Variants in PDE3A observed in about 807,000 individuals in gnomAD.
The protein encoded by PDE3A is cGMP-inhibited 3',5'-cyclic phosphodiesterase 3A.
A neutral mutation model predicts 98.3 loss-of-function variants in PDE3A; 43 were observed. The observed-to-expected ratio is 0.44, with a 90% CI of 0.34 to 0.56. PDE3A has a LOEUF of 0.56. PDE3A is among the 20% of genes least tolerant of loss of function. The probability of loss-of-function intolerance (pLI) is 0.01; values close to 1 mark genes in which losing one functional copy is unlikely to be tolerated. For missense variants in PDE3A, 1,427 were observed against 1,440.7 expected, an observed-to-expected ratio of 0.99 and a Z score of 0.15; for synonymous variants, 663 against 567.9, an observed-to-expected ratio of 1.17 and a Z score of -2.38.
Position 20,685,060 on chromosome 12 carries a change from C to A in PDE3A, c.*4789C>A, listed in dbSNP as rs1402747906. ...TGGTGCTTTTACCTAACTTGAAGTG[C>A]TTTTTGTGTTCCCACCAGCAAATCA... On this transcript the variant is annotated 3_prime_UTR_variant, in exon 16 of 16. Transcript: ENST00000359062. 6.6e-6 allele frequency among the ~76,000 whole-genome samples: 1 copy of A among 152,178 alleles called. No homozygotes were observed. The highest frequency in any genetic ancestry group is 6.5e-5 in the Admixed American group (1 of 15,282).
At chr12:20,408,067 C>T (rs979110777) in intron 1 of PDE3A, among the ~76,000 whole-genome samples, 6 of 151,864 alleles carry the variant, frequency 4.0e-5, no homozygotes, top group African/African-American at 7.3e-5. Flanking sequence ...ACTACAGGTG[C>T]GCGCCACCAC....
At chr12:20,545,058 T>G (rs140422523) in intron 1 of PDE3A, among the ~76,000 whole-genome samples, 1 of 152,194 alleles carries the variant, frequency 6.6e-6, no homozygotes, top group African/African-American at 2.4e-5. Context: ...ACAGGAAAAC[T>G]TAAGCATGAG....
intron 1 of PDE3A, among the ~76,000 whole-genome samples, chr12:20,464,291 A>G (rs1383114960): frequency 6.6e-6 from 1 of 152,196 alleles, no homozygotes. Context: ...TGGTATTTCA[A>G]TAGATCCACA....
chr12:20,428,021 T>C (rs1168426059), intron 1 of PDE3A, among the ~76,000 whole-genome samples: 2 of 152,056 alleles, frequency 1.3e-5, no homozygotes, highest in African/African-American at 2.4e-5. Flanking sequence ...CCCACATCGT[T>C]CAAGTCAGTA....
intron 15 of PDE3A, among the ~76,000 whole-genome samples, chr12:20,672,414 AG>A (rs200256248): frequency 0.66 from 85,795 of 129,278 alleles, 29,091 homozygotes; most frequent in East Asian, 0.77. Context: ...AAAAGAACAA[AG>A]GCTGGAGGCA....
chr12:20,447,064 A>T (rs1944969052), intron 1 of PDE3A, among the ~76,000 whole-genome samples: 1 of 152,196 alleles, frequency 6.6e-6, no homozygotes, highest in African/African-American at 2.4e-5. Context: ...TCTGATAAAG[A>T]CATTGCAGAG....
intron 2 of PDE3A, among the ~76,000 whole-genome samples, chr12:20,594,066 T>C (rs1404046970): frequency 2.0e-5 from 3 of 152,152 alleles, no homozygotes; most frequent in Non-Finnish European, 4.4e-5. Flanking sequence ...TTAAGATATT[T>C]ATTAATATTG....
chr12:20,371,115 G>A (rs975067546), intron 1 of PDE3A, among the ~76,000 whole-genome samples: 5 of 152,218 alleles, frequency 3.3e-5, no homozygotes, highest in Non-Finnish European at 2.9e-5. Flanking sequence ...TTCCCACAAC[G>A]TGGGAGGAGG....
intron 1 of PDE3A, among the ~76,000 whole-genome samples, chr12:20,377,661 T>A (rs1338404186): frequency 6.6e-6 from 1 of 151,878 alleles, no homozygotes; most frequent in African/African-American, 2.4e-5. Context: ...AGCTCATTTT[T>A]GTACCACTCT....
intron 1 of PDE3A, among the ~76,000 whole-genome samples, chr12:20,392,808 G>A (rs996182577): frequency 1.3e-5 from 2 of 151,990 alleles, no homozygotes; most frequent in African/African-American, 4.8e-5. Flanking sequence ...TAAAAAGAAT[G>A]TAATACTGTC....
chr12:20,515,699 A>ATTATTTAT (rs58454608), intron 1 of PDE3A, among the ~76,000 whole-genome samples: 7,900 of 140,970 alleles, frequency 0.056, 301 homozygotes, highest in East Asian at 0.15. Flanking sequence ...CTCACACTGT[A>ATTATTTAT]TTATTTATTT....
intron 5 of PDE3A, among the ~76,000 whole-genome samples, chr12:20,623,228 GAA>G (rs889372369): frequency 6.6e-6 from 1 of 151,952 alleles, no homozygotes; most frequent in African/African-American, 2.4e-5. Context: ...AGGAGATATA[GAA>G]AAATGAGTCT....
intron 15 of PDE3A, among the ~76,000 whole-genome samples, chr12:20,677,540 A>C (rs1202663362): frequency 1.3e-5 from 2 of 151,658 alleles, no homozygotes; most frequent in African/African-American, 2.4e-5. Flanking sequence ...GCTTACTGCA[A>C]CCTCCGCCTC....
At position 20,383,187 on chromosome 12, in the gene PDE3A, A is replaced by AC. The variant is rs553250906; in HGVS notation, c.960+12947dup. 2.6e-3 allele frequency among the ~76,000 whole-genome samples: 394 copies of AC among 151,946 alleles called. 1 individual carries two copies. The highest frequency in any genetic ancestry group is 9.3e-3 in the South Asian group (45 of 4,822). On this transcript the variant is annotated intron_variant, in intron 1 of 15. Transcript: ENST00000359062. ...GGTCGGTTGTGTAGTGTGTCCTATAACCCCACGTACAGAAACTTGATTTGT... is the reference window on the plus strand; with the variant it reads ...GGTCGGTTGTGTAGTGTGTCCTATAACCCCCACGTACAGAAACTTGATTTGT...
At chr12:20,669,552 C>G (rs1257829232) in intron 15 of PDE3A, among the ~76,000 whole-genome samples, 1 of 152,046 alleles carries the variant, frequency 6.6e-6, no homozygotes, top group Admixed American at 6.6e-5. Context: ...ATTCAACATT[C>G]TTAAAGAAAA....
At chr12:20,612,439 T>C (rs1478865053) in intron 2 of PDE3A, among the ~76,000 whole-genome samples, 2 of 151,420 alleles carry the variant, frequency 1.3e-5, no homozygotes, top group Non-Finnish European at 3.0e-5. Flanking sequence ...GAAGTTTTTA[T>C]CTTCATTTAG....
chr12:20,383,658 A>G (rs1822757), intron 1 of PDE3A, among the ~76,000 whole-genome samples: 1,576 of 151,920 alleles, frequency 0.01, 24 homozygotes, highest in African/African-American at 0.036. Context: ...GTCTACTCCT[A>G]TTGGTTTCAG....
intron 6 of PDE3A, among the ~76,000 whole-genome samples, chr12:20,632,851 A>G (rs1369344630): frequency 1.3e-5 from 2 of 152,066 alleles, no homozygotes; most frequent in Non-Finnish European, 2.9e-5. Flanking sequence ...CATAAAATTC[A>G]TATACTATCA....
At chr12:20,389,594 G>A (rs1943876916) in intron 1 of PDE3A, among the ~76,000 whole-genome samples, 1 of 151,910 alleles carries the variant, frequency 6.6e-6, no homozygotes, top group South Asian at 2.1e-4. Flanking sequence ...TTTGAAGAGT[G>A]CCCACAACAT....
Sources: allele counts gnomAD v4.1 joint callset (sites outside exome capture counted in the v4.1 genomes callset), GRCh38; gene constraint gnomAD v4.1.1; transcripts MANE v1.5; gene names NCBI Gene and HGNC (gene_info 2026-07-23, HGNC 2026-07-21).